The following GPR183 variants were observed in gnomAD, a reference collection of about 807,000 sequenced individuals.
The protein encoded by GPR183 is EBV-induced G-protein coupled receptor 2.
Under a neutral mutation model 19.7 loss-of-function variants are expected in GPR183, and 9 were observed. The observed-to-expected ratio is 0.46, with a 90% CI of 0.28 to 0.80. The LOEUF (loss-of-function observed/expected upper bound fraction) is 0.80, where lower values mean the gene tolerates loss of function less well. Among genes scored for constraint, GPR183 ranks in the 30% least tolerant of loss-of-function variants. The probability of loss-of-function intolerance (pLI) is 0.13; values close to 1 mark genes in which losing one functional copy is unlikely to be tolerated. For synonymous variants in GPR183, 160 were observed against 155.1 expected (o/e 1.03, Z -0.24); for missense variants, 368 against 446.7 (o/e 0.82, Z 1.59).
At position 99,297,305 on chromosome 13, in the gene GPR183, T is replaced by C. The variant is rs1452122745; in HGVS notation, c.-18-1142A>G. The stretch of plus-strand genomic sequence containing the variant: ...AAATAATTCCTCTGATAGAACTGTG[T>C]GTACATAAATCTCACCTGGAAGTCA... On this transcript the variant is annotated intron_variant, in intron 1 of 1. Coordinates refer to ENST00000376414, the MANE Select transcript of GPR183 (RefSeq NM_004951.5). Among the ~76,000 whole-genome samples the C allele has an allele frequency of 2.0e-5, 3 of 152,188 alleles. No individual in the cohort carries two copies. The East Asian group carries it at 5.8e-4, about 29-fold the overall frequency.
Position 99,295,606 on chromosome 13 carries a change from T to C in GPR183, c.540A>G (p.Thr180=). 1 of 1,614,134 alleles carries C rather than the reference T, an allele frequency of 6.2e-7. No individual in the cohort carries two copies. The highest frequency in any genetic ancestry group is 2.2e-5 in the East Asian group (1 of 44,888). ...CTTCAAAGTTTGGATACTCCATGCA[T>C]GTAATCCTTTCAGCCTCCTGCTTTG... The part of the protein sequence containing the change: ...PMSKQEAERI[T]CMEYPNFEET... Residue 180 remains threonine, a synonymous_variant, in exon 2 of 2, where the codon ACA becomes ACG. Coordinates refer to ENST00000376414, the MANE Select transcript of GPR183 (RefSeq NM_004951.5). The surrounding 1 kb of genome is among the most constrained non-coding windows in gnomAD (Gnocchi z 4.1).
intron 1 of GPR183, among the ~76,000 whole-genome samples, chr13:99,306,602 G>A (rs1303307801): frequency 6.6e-6 from 1 of 152,094 alleles, no homozygotes; most frequent in Non-Finnish European, 1.5e-5. Context: ...ATTTTGCCAA[G>A]TTTCTGTTAC....
In GPR183 at chr13:99,295,841, G is replaced by A; in HGVS notation, c.305C>T (p.Ala102Val). Residue 102 changes from alanine to valine, a missense_variant, in exon 2 of 2, where the codon GCC becomes GTC. Ala to Val is a moderately conservative substitution (Grantham distance 64, BLOSUM62 0). Coordinates refer to ENST00000376414, the MANE Select transcript of GPR183 (RefSeq NM_004951.5). The surrounding 1 kb of genome is among the most constrained non-coding windows in gnomAD (Gnocchi z 4.1). ...CACTAGCGCAGTTATCCTACACAAG[G>A]CATCTCCGATTCTCCAGTCAAAGCC... ...AMGFDWRIGDALCRITALVFY... is the reference protein window; with the variant it reads ...AMGFDWRIGDVLCRITALVFY... 6.2e-7 allele frequency: 1 copy of A among 1,605,972 alleles called. No individual in the cohort carries two copies. The highest frequency in any genetic ancestry group is 8.5e-7 in the Non-Finnish European group (1 of 1,174,728).
chr13:99,302,010 T>G (rs2044264129), intron 1 of GPR183, among the ~76,000 whole-genome samples: 1 of 152,198 alleles, frequency 6.6e-6, no homozygotes, highest in Non-Finnish European at 1.5e-5. Context: ...GGTCAAGTTG[T>G]GCTGAGATGA....
intron 1 of GPR183, 49 bp from the exon 2 acceptor site, chr13:99,296,212 G>A: frequency 7.0e-7 from 1 of 1,421,788 alleles, no homozygotes; most frequent in Non-Finnish European, 9.4e-7. Flanking sequence ...TATGTATTCA[G>A]TTTGATTACT....
In GPR183 at chr13:99,295,771, C is replaced by T. The variant is rs767005016; in HGVS notation, c.375G>A (p.Leu125=). 9.2e-5 allele frequency: 148 copies of T among 1,613,878 alleles called. No homozygotes were observed. The highest frequency in any genetic ancestry group is 1.2e-4 in the Non-Finnish European group (147 of 1,179,910). The part of the protein sequence containing the change: ...TYAGVNFMTC[L]SIDRFIAVVH... Reference sequence around the variant, plus strand: ...CCACAGCAATGAAGCGGTCAATACTCAGGCAGGTCATAAAGTTCACACCTG... The same window carrying T: ...CCACAGCAATGAAGCGGTCAATACTTAGGCAGGTCATAAAGTTCACACCTG... The change falls in exon 2 of 2, where the codon CTG becomes CTA. Residue 125 remains leucine (L), a synonymous_variant. Transcript: ENST00000376414. The surrounding 1 kb of genome is among the most constrained non-coding windows in gnomAD (Gnocchi z 4.1).
chr13:99,300,545 C>T (rs1326877087), intron 1 of GPR183, among the ~76,000 whole-genome samples: 1 of 152,150 alleles, frequency 6.6e-6, no homozygotes, highest in African/African-American at 2.4e-5. Context: ...TATAATCTTC[C>T]CTTAGAGATA....
chr13:99,305,866 A>G (rs923473139), intron 1 of GPR183, among the ~76,000 whole-genome samples: 1 of 152,096 alleles, frequency 6.6e-6, no homozygotes. Flanking sequence ...TAGATGTGTG[A>G]TCATCCATAG....
intron 1 of GPR183, among the ~76,000 whole-genome samples, chr13:99,302,330 A>G (rs1725686168): frequency 6.6e-6 from 1 of 152,218 alleles, no homozygotes; most frequent in Admixed American, 6.5e-5. Flanking sequence ...GGAAGATGAA[A>G]GCTCAGGGTT....
At chr13:99,306,807 G>A (rs1472186755) in intron 1 of GPR183, among the ~76,000 whole-genome samples, 1 of 152,056 alleles carries the variant, frequency 6.6e-6, no homozygotes, top group African/African-American at 2.4e-5. Flanking sequence ...ACTCTTTGCT[G>A]GCGGGAGGGT....
At chr13:99,305,903 A>C (rs1566494760) in intron 1 of GPR183, among the ~76,000 whole-genome samples, 1 of 152,022 alleles carries the variant, frequency 6.6e-6, no homozygotes, top group Admixed American at 6.6e-5. Context: ...TTATTTATTT[A>C]TTTATCTATC....
At chr13:99,296,325 T>A in intron 1 of GPR183, among the ~76,000 whole-genome samples, 162 bp from the exon 2 acceptor site, 1 of 152,350 alleles carries the variant, frequency 6.6e-6, no homozygotes, top group Middle Eastern at 3.4e-3. Context: ...TAACAGTTTA[T>A]AATTATAATA....
chr13:99,304,009 C>G (rs1234677996), intron 1 of GPR183, among the ~76,000 whole-genome samples: 1 of 152,142 alleles, frequency 6.6e-6, no homozygotes, highest in African/African-American at 2.4e-5. Flanking sequence ...CATTCCCGCC[C>G]TTCTGCCCGC....
At chr13:99,304,219 C>T (rs1463419439) in intron 1 of GPR183, among the ~76,000 whole-genome samples, 1 of 152,208 alleles carries the variant, frequency 6.6e-6, no homozygotes, top group African/African-American at 2.4e-5. Flanking sequence ...GGATATCCCA[C>T]GTTCCCTCAC....
rs1273767472 is a variant in GPR183, at chr13:99,295,305, T to C, written c.841A>G (p.Ser281Gly). Residue 281 changes from serine (S) to glycine (G), a missense_variant, in exon 2 of 2, where the codon AGC becomes GGC. Ser to Gly is a moderately conservative substitution (Grantham distance 56). Transcript: ENST00000376414. This position sits in a 1 kb window ranked among gnomAD's most constrained non-coding sequence, Gnocchi z 4.1. ...GAAATCTGGAACGAATGTCTTTGGC[T>C]ACATTCCAGGAAATTAGAGAAACGA... ...KLRFSNFLEC[S>G]QRHSFQISLH... 5.0e-6 allele frequency: 8 copies of C among 1,614,056 alleles called. No homozygotes were observed. Among genetic ancestry groups the C allele is most frequent in the Non-Finnish European group, 6.8e-6 (8 of 1,180,022 alleles).
chr13:99,301,027 C>A (rs1408081028), intron 1 of GPR183, among the ~76,000 whole-genome samples: 1 of 151,258 alleles, frequency 6.6e-6, no homozygotes, highest in Admixed American at 6.6e-5. Context: ...TATCATTTAT[C>A]ATTGTATTGC....
At chr13:99,298,992 C>G (rs943877466) in intron 1 of GPR183, among the ~76,000 whole-genome samples, 4 of 152,056 alleles carry the variant, frequency 2.6e-5, no homozygotes, top group African/African-American at 9.7e-5. Flanking sequence ...TAAGCAGATT[C>G]ATGGGAATTG....
intron 1 of GPR183, among the ~76,000 whole-genome samples, chr13:99,306,268 A>C (rs953945221): frequency 6.6e-6 from 1 of 152,162 alleles, no homozygotes; most frequent in Non-Finnish European, 1.5e-5. Flanking sequence ...CAGTGGCCAG[A>C]GAGATGGGAG....
chr13:99,302,906 A>T (rs1026184373), intron 1 of GPR183, among the ~76,000 whole-genome samples: 1 of 152,160 alleles, frequency 6.6e-6, no homozygotes, highest in African/African-American at 2.4e-5. Context: ...TTTGAGTCCT[A>T]AATTGATAGC....
Sources: allele counts gnomAD v4.1 joint callset (sites outside exome capture counted in the v4.1 genomes callset), GRCh38; gene constraint gnomAD v4.1.1; non-coding constraint Gnocchi (gnomAD v3.1); transcripts MANE v1.5; gene names NCBI Gene and HGNC (gene_info 2026-07-23, HGNC 2026-07-21).